Variants in FRMD5 observed in about 807,000 individuals in gnomAD.
FRMD5 encodes FERM domain containing 5, also known as FERM domain-containing protein 5.
FRMD5 carries 20 observed loss-of-function variants against 69.0 expected under a neutral mutation model. The ratio of observed to expected loss-of-function variants is 0.29; its 90% CI spans 0.20 to 0.42. The LOEUF is 0.42. Ranked by LOEUF, FRMD5 falls within the 10% of genes least tolerant of loss-of-function variation. FRMD5 has a pLI of 1.00. For synonymous variants in FRMD5, 271 were observed against 260.1 expected, an observed-to-expected ratio of 1.04 and a Z score of -0.40; for missense variants, 595 against 708.6, an observed-to-expected ratio of 0.84 and a Z score of 1.82.
At chr15:44,197,147 G>C (rs1270232459), upstream of FRMD5, among the ~76,000 whole-genome samples, 1 of 151,968 alleles carries the variant, frequency 6.6e-6, no homozygotes. Flanking sequence ...ATTGCAGTGA[G>C]CTGAGATTGT....
At chr15:43,925,692 C>G (rs529901272) in intron 1 of FRMD5, among the ~76,000 whole-genome samples, 25 of 152,336 alleles carry the variant, frequency 1.6e-4, no homozygotes, top group Non-Finnish European at 3.4e-4. Flanking sequence ...TGCACTCACC[C>G]AAAATCATTT....
chr15:44,173,274 C>T (rs573340984), intron 1 of FRMD5, among the ~76,000 whole-genome samples: 1 of 152,112 alleles, frequency 6.6e-6, no homozygotes, highest in Non-Finnish European at 1.5e-5. Flanking sequence ...AGGTTTGATA[C>T]TTTAGCCAGG....
intron 1 of FRMD5, among the ~76,000 whole-genome samples, chr15:43,977,755 G>T (rs1015486716): frequency 5.7e-4 from 87 of 152,174 alleles, no homozygotes; most frequent in African/African-American, 2.0e-3. Context: ...TATTTGTAAA[G>T]AAACAGCATT....
upstream of FRMD5, among the ~76,000 whole-genome samples, chr15:44,198,550 T>C (rs761928114): frequency 2.0e-4 from 31 of 151,956 alleles, no homozygotes; most frequent in Non-Finnish European, 2.8e-4. Flanking sequence ...AAAAAGCTCA[T>C]GAGAAGAAGC....
In FRMD5 at chr15:44,046,298, AT is replaced by A. The variant is rs1595666710; in HGVS notation, c.103-121990del. On this transcript the variant is annotated intron_variant, in intron 1 of 13. Coordinates refer to ENST00000417257, the MANE Select transcript of FRMD5 (RefSeq NM_032892.5). ...AGAAAATAAAAAGGGGAATTAATAA[AT>A]AGCTACAAATGTGCTAATACCTCAC... 3.3e-5 allele frequency among the ~76,000 whole-genome samples: 5 copies of A among 152,354 alleles called. No individual in the cohort carries two copies. In the East Asian group the frequency reaches 9.6e-4, roughly 29 times the overall value.
At chr15:43,991,927 A>G (rs1889701881) in intron 1 of FRMD5, among the ~76,000 whole-genome samples, 1 of 152,254 alleles carries the variant, frequency 6.6e-6, no homozygotes, top group African/African-American at 2.4e-5. Flanking sequence ...GAAGAAAACC[A>G]TGTGTCAGAA....
intron 1 of FRMD5, among the ~76,000 whole-genome samples, chr15:44,181,920 A>G (rs989156203): frequency 6.6e-5 from 10 of 152,060 alleles, no homozygotes; most frequent in African/African-American, 2.2e-4. Flanking sequence ...AACAAAACAA[A>G]TAATATCACC....
At chr15:43,943,989 T>G (rs929750436) in intron 1 of FRMD5, among the ~76,000 whole-genome samples, 2 of 150,622 alleles carry the variant, frequency 1.3e-5, no homozygotes, top group African/African-American at 2.5e-5. Flanking sequence ...AAGCAGACTT[T>G]GTTATTTTGC....
intron 1 of FRMD5, among the ~76,000 whole-genome samples, chr15:44,174,311 G>C (rs574069732): frequency 1.3e-5 from 2 of 152,016 alleles, no homozygotes; most frequent in Admixed American, 6.6e-5. Context: ...CATTATGATT[G>C]CATCTAATGA....
intron 1 of FRMD5, among the ~76,000 whole-genome samples, chr15:43,958,450 G>C (rs970347932): frequency 3.9e-5 from 6 of 152,230 alleles, no homozygotes; most frequent in Admixed American, 3.3e-4. Flanking sequence ...TTTGAAACAA[G>C]GTCTCACTCT....
chr15:44,199,068 G>A (rs1187891269), upstream of FRMD5, among the ~76,000 whole-genome samples: 1 of 152,114 alleles, frequency 6.6e-6, no homozygotes. Flanking sequence ...ATACCCTGCT[G>A]TTCTGGGACA....
chr15:43,963,429 A>T (rs1417811094), intron 1 of FRMD5, among the ~76,000 whole-genome samples: 3 of 152,196 alleles, frequency 2.0e-5, no homozygotes, highest in Admixed American at 2.0e-4. Flanking sequence ...GAGGATGTGG[A>T]GAAATAGGAA....
intron 1 of FRMD5, among the ~76,000 whole-genome samples, chr15:44,100,225 T>TC (rs1387475144): frequency 6.6e-6 from 1 of 151,606 alleles, no homozygotes; most frequent in Non-Finnish European, 1.5e-5. Context: ...GGCTAAATTT[T>TC]TTTTTTTTTT....
intron 1 of FRMD5, among the ~76,000 whole-genome samples, chr15:44,131,649 G>A (rs1253951036): frequency 6.8e-6 from 1 of 146,856 alleles, no homozygotes; most frequent in Non-Finnish European, 1.5e-5. Context: ...TAATATAGAT[G>A]AACCTTGAAA....
intron 1 of FRMD5, among the ~76,000 whole-genome samples, chr15:44,084,513 A>T (rs1311448747): frequency 1.3e-5 from 2 of 152,114 alleles, no homozygotes; most frequent in African/African-American, 2.4e-5. Context: ...ATGAATTCAG[A>T]TATAAATGTT....
chr15:44,093,212 G>A (rs1350850353), intron 1 of FRMD5, among the ~76,000 whole-genome samples: 2 of 152,016 alleles, frequency 1.3e-5, no homozygotes, highest in Non-Finnish European at 2.9e-5. Flanking sequence ...TTATGGGCGT[G>A]AGCCACCGCA....
chr15:43,999,600 C>G (rs771075827), intron 1 of FRMD5, among the ~76,000 whole-genome samples: 4 of 152,102 alleles, frequency 2.6e-5, no homozygotes, highest in South Asian at 4.1e-4. Flanking sequence ...TCCCTACCCC[C>G]ACACCTGACT....
At chr15:44,168,212 C>T (rs916856815) in intron 1 of FRMD5, among the ~76,000 whole-genome samples, 7 of 152,128 alleles carry the variant, frequency 4.6e-5, no homozygotes, top group South Asian at 2.1e-4. Flanking sequence ...AATGGACCAC[C>T]GCATAGTTTA....
At chr15:44,038,338 T>C (rs1470277785) in intron 1 of FRMD5, among the ~76,000 whole-genome samples, 1 of 152,100 alleles carries the variant, frequency 6.6e-6, no homozygotes, top group Non-Finnish European at 1.5e-5. Flanking sequence ...CCATTGCTTT[T>C]GGTGTTTTAG....
Sources: allele counts gnomAD v4.1 joint callset (sites outside exome capture counted in the v4.1 genomes callset), GRCh38; gene constraint gnomAD v4.1.1; transcripts MANE v1.5; gene names NCBI Gene and HGNC (gene_info 2026-07-23, HGNC 2026-07-21).